CDKAL1: variants seen among roughly 807,000 people sequenced by gnomAD.
CDKAL1 encodes CDKAL1 threonylcarbamoyladenosine tRNA methylthiotransferase.
A neutral mutation model predicts 68.2 loss-of-function variants in CDKAL1; 32 were observed. The ratio of observed to expected loss-of-function variants is 0.47; its 90% CI spans 0.35 to 0.63. The LOEUF (loss-of-function observed/expected upper bound fraction) is 0.63, where lower values mean the gene tolerates loss of function less well. Ranked by LOEUF, CDKAL1 falls within the 30% of genes least tolerant of loss-of-function variation. CDKAL1 has a pLI of 0.00. For missense variants in CDKAL1, 606 were observed against 696.7 expected, an observed-to-expected ratio of 0.87 and a Z score of 1.47; for synonymous variants, 234 against 244.3, an observed-to-expected ratio of 0.96 and a Z score of 0.39.
At chr6:21,209,950 A>G (rs1022252741) in intron 15 of CDKAL1, among the ~76,000 whole-genome samples, 1 of 152,174 alleles carries the variant, frequency 6.6e-6, no homozygotes, top group African/African-American at 2.4e-5. Context: ...TCAGTCAACA[A>G]TTATCAATGA....
At chr6:20,808,080 C>T (rs1776647866) in intron 8 of CDKAL1, among the ~76,000 whole-genome samples, 1 of 152,136 alleles carries the variant, frequency 6.6e-6, no homozygotes, top group Non-Finnish European at 1.5e-5. Context: ...CATTACTTAT[C>T]TGTGTGAAAG....
intron 10 of CDKAL1, among the ~76,000 whole-genome samples, chr6:20,999,983 T>G (rs183098142): frequency 7.5e-4 from 115 of 152,318 alleles, no homozygotes; most frequent in Middle Eastern, 3.4e-3. Context: ...TTATCTCTGT[T>G]TTGTCACCTA....
At chr6:20,757,525 T>C (rs965318405) in intron 6 of CDKAL1, among the ~76,000 whole-genome samples, 1 of 150,510 alleles carries the variant, frequency 6.6e-6, no homozygotes, top group Admixed American at 6.7e-5. Flanking sequence ...TCTTGGTCTA[T>C]TTTGTATATC....
intron 13 of CDKAL1, among the ~76,000 whole-genome samples, chr6:21,120,133 A>G (rs1304432691): frequency 1.3e-5 from 2 of 152,216 alleles, no homozygotes; most frequent in Non-Finnish European, 2.9e-5. Context: ...CTTCCATTTA[A>G]CAAACATTTG....
intron 4 of CDKAL1, among the ~76,000 whole-genome samples, chr6:20,568,932 G>T (rs1286263080): frequency 6.6e-6 from 1 of 151,968 alleles, no homozygotes. Context: ...AATTATTTAT[G>T]TATTTGTCTC....
chr6:21,074,784 G>GT (rs1264210058), intron 12 of CDKAL1, among the ~76,000 whole-genome samples: 1 of 151,900 alleles, frequency 6.6e-6, no homozygotes, highest in Non-Finnish European at 1.5e-5. Context: ...CAGTTTTTTG[G>GT]TTTTTTCTTT....
intron 15 of CDKAL1, among the ~76,000 whole-genome samples, 195 bp downstream of exon 15, chr6:21,201,469 G>A (rs1329678867): frequency 6.6e-6 from 1 of 152,204 alleles, no homozygotes; most frequent in African/African-American, 2.4e-5. Flanking sequence ...TTGCTTCTCT[G>A]GCTGTAAAGA....
chr6:21,101,968 T>C (rs2150984146), intron 12 of CDKAL1, among the ~76,000 whole-genome samples: 1 of 152,318 alleles, frequency 6.6e-6, no homozygotes, highest in East Asian at 1.9e-4. Flanking sequence ...TCTGAGTGAT[T>C]TTGCAACAGC....
chr6:21,097,493 C>CA (rs367792675), intron 12 of CDKAL1, among the ~76,000 whole-genome samples: 1,576 of 127,740 alleles, frequency 0.012, 14 homozygotes, highest in African/African-American at 0.034. Flanking sequence ...GAAACAAATA[C>CA]AAAAAAAAAA....
chr6:20,924,435 C>T (rs551864539), intron 9 of CDKAL1, among the ~76,000 whole-genome samples: 4 of 151,590 alleles, frequency 2.6e-5, no homozygotes, highest in Admixed American at 6.6e-5. Context: ...TCTCTTATAC[C>T]GTTGGGTCAT....
chr6:21,182,946 C>T (rs1294041407), intron 13 of CDKAL1, among the ~76,000 whole-genome samples: 1 of 152,146 alleles, frequency 6.6e-6, no homozygotes, highest in Non-Finnish European at 1.5e-5. Context: ...AAATCATTAT[C>T]ATTACCATAT....
At chr6:20,537,649 C>T (rs987027069) in intron 2 of CDKAL1, among the ~76,000 whole-genome samples, 11 of 150,980 alleles carry the variant, frequency 7.3e-5, no homozygotes, top group African/African-American at 2.4e-4. Context: ...TAATAACTCA[C>T]CTATGTAAGT....
intron 15 of CDKAL1, among the ~76,000 whole-genome samples, chr6:21,207,830 C>T (rs899748193): frequency 5.3e-5 from 8 of 152,080 alleles, no homozygotes; most frequent in African/African-American, 1.9e-4. Context: ...GTAAAAGTTG[C>T]CCAATATCTT....
Position 20,534,489 on chromosome 6 carries a change from G to C in CDKAL1, c.-135G>C, listed in dbSNP as rs1763088129. On this transcript the variant is annotated 5_prime_UTR_variant, in exon 1 of 16. Coordinates refer to ENST00000274695, the MANE Select transcript of CDKAL1 (RefSeq NM_017774.3). ...CGTGGCGGGACGTATGTGTCATGGCGCTCTCCATCTAAAGTCTGTGCAGCT... is the reference window on the plus strand; with the variant it reads ...CGTGGCGGGACGTATGTGTCATGGCCCTCTCCATCTAAAGTCTGTGCAGCT... The C allele has an allele frequency of 6.5e-6, 1 of 152,788 alleles. No homozygotes were observed. Among genetic ancestry groups the C allele is most frequent in the Non-Finnish European group, 1.5e-5 (1 of 68,048 alleles). 9.5% of individuals were successfully genotyped at this position (152,788 alleles called of 1,614,324 possible). A position where few individuals can be genotyped will look rare whatever the true frequency, so the allele number is the denominator to read the frequency against.
intron 4 of CDKAL1, among the ~76,000 whole-genome samples, chr6:20,570,354 G>A (rs1252191190): frequency 2.0e-5 from 3 of 151,392 alleles, no homozygotes; most frequent in Admixed American, 6.6e-5. Flanking sequence ...CATCCACCTC[G>A]GCCTCCCAAA....
At chr6:21,137,001 C>A (rs368315672) in intron 13 of CDKAL1, among the ~76,000 whole-genome samples, 1 of 152,142 alleles carries the variant, frequency 6.6e-6, no homozygotes, top group Non-Finnish European at 1.5e-5. Context: ...CCCCGACCAG[C>A]GTCTACCATT....
chr6:21,071,469 G>A (rs2150943274), intron 12 of CDKAL1, among the ~76,000 whole-genome samples: 1 of 152,250 alleles, frequency 6.6e-6, no homozygotes, highest in East Asian at 1.9e-4. Flanking sequence ...AATTTACCCA[G>A]TCTCAGGCAT....
At chr6:20,914,688 T>G (rs995517200) in intron 9 of CDKAL1, among the ~76,000 whole-genome samples, 1 of 152,210 alleles carries the variant, frequency 6.6e-6, no homozygotes, top group South Asian at 2.1e-4. Flanking sequence ...ATGCTACTAT[T>G]TAAAGTAAGT....
Position 20,790,242 on chromosome 6 carries a change from A to G in CDKAL1, c.638+8977A>G, listed in dbSNP as rs911174397. Among the ~76,000 whole-genome samples, 7 of 152,252 alleles carry G rather than the reference A, an allele frequency of 4.6e-5. No homozygotes were observed. The East Asian group carries it at 1.2e-3, about 25-fold the overall frequency. On this transcript the variant is annotated intron_variant, in intron 8 of 15. Coordinates refer to ENST00000274695, the MANE Select transcript of CDKAL1 (RefSeq NM_017774.3). ...CAATAAAGTTATAAGCTCACATTGT[A>G]TGACGGATTGTTTAGATGAGTTGGA...
Sources: gnomAD v4.1 joint callset for allele counts (sites outside exome capture counted in the v4.1 genomes callset) on GRCh38, gnomAD v4.1.1 for gene constraint, MANE v1.5 for transcripts, NCBI Gene and HGNC (gene_info 2026-07-23, HGNC 2026-07-21) for gene names.